GTPBP6: variants seen among roughly 807,000 people sequenced by gnomAD.
GTPBP6 encodes the protein GTP binding protein 6.
GTPBP6 carries 33 observed loss-of-function variants against 28.9 expected under a neutral mutation model. That is an observed-to-expected ratio of 1.14 (90% CI 0.87 to 1.53). The LOEUF (loss-of-function observed/expected upper bound fraction) is 1.53, where lower values mean the gene tolerates loss of function less well. Among genes scored for constraint, GTPBP6 ranks in the 40% most tolerant of loss-of-function variants. The probability of loss-of-function intolerance (pLI) is 0.00; values close to 1 mark genes in which losing one functional copy is unlikely to be tolerated. For missense variants in GTPBP6, 507 were observed against 408.3 expected, an observed-to-expected ratio of 1.24 and a Z score of -2.08; for synonymous variants, 231 against 192.7, an observed-to-expected ratio of 1.20 and a Z score of -1.65.
At chrX:310,453 C>G (rs2070262758) in intron 7 of GTPBP6, among the ~76,000 whole-genome samples, 1 of 127,576 alleles carries the variant, frequency 7.8e-6, no homozygotes, top group Admixed American at 7.3e-5. Flanking sequence ...ACTGTGGCCC[C>G]CCACAAAAGA....
At chrX:309,405 G>C (rs1301999535) in intron 7 of GTPBP6, among the ~76,000 whole-genome samples, 2 of 152,188 alleles carry the variant, frequency 1.3e-5, no homozygotes, top group East Asian at 3.9e-4. Flanking sequence ...AGCTGGTGAA[G>C]ATGAGGTCAG....
rs759863028 is a variant in GTPBP6 at position 312,740 on chromosome X, G to C, written c.916+26C>G. The C allele has an allele frequency of 7.6e-6, 12 of 1,589,350 alleles. No individual in the cohort carries two copies. The East Asian group carries it at 2.3e-4, about 30-fold the overall frequency. ...CACCGGTGACACGGAGACCGCGGAAGGCCCCTCCCCTGGGCGCGTGCTCAC... is the reference window on the plus strand; with the variant it reads ...CACCGGTGACACGGAGACCGCGGAACGCCCCTCCCCTGGGCGCGTGCTCAC... On this transcript the variant is annotated intron_variant, in intron 6 of 9. Transcript: ENST00000326153.
intron 4 of GTPBP6, among the ~76,000 whole-genome samples, chrX:314,501 C>T (rs1374713379): frequency 6.7e-6 from 1 of 149,020 alleles, no homozygotes; most frequent in Admixed American, 6.7e-5. Context: ...TAGACGGAGT[C>T]TCGCTCTGTC....
At chrX:306,422 T>G (rs2070166115) in intron 9 of GTPBP6, among the ~76,000 whole-genome samples, 1 of 148,432 alleles carries the variant, frequency 6.7e-6, no homozygotes, top group South Asian at 2.1e-4. Flanking sequence ...ATGTACATTT[T>G]CACTGTCAGC....
chrX:318,480 G>A (rs1279374724), exon 1 of GTPBP6: 1 of 398,402 alleles, frequency 2.5e-6, no homozygotes, highest in Non-Finnish European at 4.4e-6. Flanking sequence ...CTTGACGTCA[G>A]GGTGAACCAG....
exon 1 of GTPBP6, chrX:318,723 G>A (rs1311243648): frequency 2.9e-6 from 1 of 348,434 alleles, no homozygotes; most frequent in Non-Finnish European, 5.2e-6. Flanking sequence ...CCGCGGAGCC[G>A]AGCGGCCGCG....
chrX:312,067 G>A (rs1211663066), intron 6 of GTPBP6: 1 of 455,820 alleles, frequency 2.2e-6, no homozygotes, highest in Non-Finnish European at 4.3e-6. Context: ...GGATGGTGTA[G>A]ACAGAGGAGA....
chrX:306,702 G>C (rs1463749459), intron 9 of GTPBP6, among the ~76,000 whole-genome samples: 1 of 147,734 alleles, frequency 6.8e-6, no homozygotes, highest in Non-Finnish European at 1.5e-5. Context: ...GTGCAGATTA[G>C]GCACCTGTTG....
At chrX:317,444 GAAAACACCCGTAAAGA>G (rs1480473212) in intron 1 of GTPBP6, among the ~76,000 whole-genome samples, 1 of 151,392 alleles carries the variant, frequency 6.6e-6, no homozygotes, top group East Asian at 1.9e-4. Context: ...AGCCATTTTG[GAAAACACCCGTAAAGA>G]AAAACCACTC....
chrX:314,982 G>A (rs1412371524), exon 4 of GTPBP6: 6 of 398,588 alleles, frequency 1.5e-5, no homozygotes, highest in Admixed American at 4.4e-5. Context: ...CCGTGAAGCG[G>A]TCAAACACCT....
intron 9 of GTPBP6, among the ~76,000 whole-genome samples, chrX:306,003 A>G (rs968335919): frequency 2.7e-4 from 41 of 151,898 alleles, no homozygotes; most frequent in Admixed American, 1.4e-3. Context: ...AGCTCAAGCA[A>G]TCCTCCTGCC....
chrX:312,937 C>G lies in GTPBP6; in HGVS notation c.758-13G>C, dbSNP rs376933759. On this transcript the variant is annotated splice_polypyrimidine_tract_variant and intron_variant, in intron 5 of 9. Coordinates refer to ENST00000326153, the Ensembl canonical transcript of GTPBP6. ...ATGAAGGATTCTCCTAAAAGACACCCGAGATGGTGAGGCGGTGAGCCACGC... is the reference window on the plus strand; with the variant it reads ...ATGAAGGATTCTCCTAAAAGACACCGGAGATGGTGAGGCGGTGAGCCACGC... 87 of 1,605,590 alleles carry G rather than the reference C, an allele frequency of 5.4e-5. No individual in the cohort carries two copies. The highest frequency in any genetic ancestry group is 6.9e-5 in the Non-Finnish European group (81 of 1,175,004).
intron 1 of GTPBP6, among the ~76,000 whole-genome samples, chrX:317,346 A>G (rs1271914230): frequency 6.6e-6 from 1 of 151,856 alleles, no homozygotes; most frequent in African/African-American, 2.4e-5. Context: ...GGGATTACTG[A>G]GGAACCACCG....
Position 307,519 on chromosome X carries a change from G to C in GTPBP6, c.1275-7C>G. On this transcript the variant is annotated splice_polypyrimidine_tract_variant and splice_region_variant and intron_variant, in intron 8 of 9. Transcript: ENST00000326153. ...CGGTTCCGTGGGGCTGTACCTGCAA[G>C]GGTGGGGATGTCACAGGCCCCGCTC... is the stretch of plus-strand genomic sequence containing the variant. 6.2e-7 allele frequency: 1 copy of C among 1,610,308 alleles called. No individual in the cohort carries two copies. Among genetic ancestry groups the C allele is most frequent in the African/African-American group, 1.3e-5 (1 of 74,976 alleles).
chrX:315,622 C>G (rs2070418757), intron 2 of GTPBP6, among the ~76,000 whole-genome samples: 3 of 23,360 alleles, frequency 1.3e-4, no homozygotes, highest in East Asian at 1.4e-3. Context: ...CACAGACACA[C>G]AGACAGACAC....
chrX:315,004 G>A (rs1211998432), exon 4 of GTPBP6: 1 of 398,554 alleles, frequency 2.5e-6, no homozygotes, highest in Non-Finnish European at 4.4e-6. Context: ...CACGCCCCAG[G>A]CGGCTTCCAG....
chrX:315,585 CAGTAAATACATCCCGACAGGG>C (rs2070416972), intron 2 of GTPBP6, among the ~76,000 whole-genome samples: 3 of 52,724 alleles, frequency 5.7e-5, no homozygotes, highest in Non-Finnish European at 8.0e-5. Flanking sequence ...CACACACACA[CAGTAAATACATCCCGACAGGG>C]ACAGACACAG....
At position 315,711 on chromosome X, in the gene GTPBP6, A is replaced by G. The variant is rs1461962974; in HGVS notation, c.488-412T>C. Among the ~76,000 whole-genome samples the G allele has an allele frequency of 6.7e-4, 4 of 6,006 alleles. No individual in the cohort carries two copies. In the East Asian group the frequency reaches 0.02, roughly 30 times the overall value. The allele number at this position is 6,006 out of a possible 152,430, so 3.9% of individuals were successfully genotyped here. A position where few individuals can be genotyped will look rare whatever the true frequency, so the allele number is the denominator to read the frequency against. On this transcript the variant is annotated intron_variant, in intron 2 of 9. Transcript: ENST00000326153. ...ACACACACACACACACACACAGTAAATACATCCCGACAGGGACAGACACAC... is the reference window on the plus strand; with the variant it reads ...ACACACACACACACACACACAGTAAGTACATCCCGACAGGGACAGACACAC...
intron 8 of GTPBP6, 48 bp from the exon 9 acceptor site, chrX:307,560 G>A (rs369785686): frequency 2.1e-5 from 34 of 1,591,036 alleles, no homozygotes; most frequent in African/African-American, 1.9e-4. Context: ...CGGGGCGGCC[G>A]GACGAAATCA....
Sources: gnomAD v4.1 joint callset for allele counts (sites outside exome capture counted in the v4.1 genomes callset) on GRCh38, gnomAD v4.1.1 for gene constraint, MANE v1.5 for transcripts, NCBI Gene and HGNC (gene_info 2026-07-23, HGNC 2026-07-21) for gene names.